The following RASEF variants were observed in gnomAD, a reference collection of about 807,000 sequenced individuals.
RASEF encodes the protein RAS and EF-hand domain containing.
In RASEF, 68 loss-of-function variants were observed where a neutral mutation model predicts 90.1. The observed-to-expected ratio is 0.75, with a 90% CI of 0.62 to 0.92. The LOEUF is 0.92. Ranked by LOEUF, RASEF falls within the 40% of genes least tolerant of loss-of-function variation. The pLI, the probability that RASEF is intolerant of heterozygous loss-of-function variation, is 0.00. For synonymous variants in RASEF, 331 were observed against 345.2 expected (o/e 0.96, Z 0.46); for missense variants, 949 against 937.2 (o/e 1.01, Z -0.16).
intron 3 of RASEF, among the ~76,000 whole-genome samples, chr9:83,016,556 T>A (rs771049397): frequency 1.3e-5 from 2 of 152,148 alleles, no homozygotes; most frequent in Non-Finnish European, 2.9e-5. Context: ...AGTTTTATGT[T>A]GACAGCCAGT....
the RASEF span, among the ~76,000 whole-genome samples, chr9:83,126,868 G>A: frequency 6.6e-6 from 1 of 151,990 alleles, no homozygotes; most frequent in Non-Finnish European, 1.5e-5. Flanking sequence ...TAAGTTACTA[G>A]GGCTATTATG....
At chr9:83,157,697 A>G in the RASEF span, among the ~76,000 whole-genome samples, 1 of 152,218 alleles carries the variant, frequency 6.6e-6, no homozygotes, top group South Asian at 2.1e-4. Flanking sequence ...ATTATTTGAT[A>G]ATATAGTTTT....
chr9:83,002,655 TTATAATA>T lies in RASEF; in HGVS notation c.1203-1532_1203-1526del. Among the ~76,000 whole-genome samples the T allele has an allele frequency of 1.3e-5, 2 of 152,026 alleles. 1 individual carries two copies. Among genetic ancestry groups the T allele is most frequent in the Non-Finnish European group, 2.9e-5 (2 of 67,984 alleles). Reference sequence around the variant, plus strand: ...AAAGCACATAAGAAAACCATTCTAATTATAATATACTACAAACTACTTCAGTTCCATG... The same window carrying T: ...AAAGCACATAAGAAAACCATTCTAATTACTACAAACTACTTCAGTTCCATG... On this transcript the variant is annotated intron_variant, in intron 9 of 16. Coordinates refer to ENST00000376447, the MANE Select transcript of RASEF (RefSeq NM_152573.4).
chr9:83,104,766 A>G, the RASEF span, among the ~76,000 whole-genome samples: 1 of 152,202 alleles, frequency 6.6e-6, no homozygotes, highest in South Asian at 2.1e-4. Flanking sequence ...TGTGTACTTC[A>G]ATATAGCCTA....
At chr9:83,108,271 C>T in the RASEF span, among the ~76,000 whole-genome samples, 13 of 152,216 alleles carry the variant, frequency 8.5e-5, no homozygotes, top group Non-Finnish European at 1.3e-4. Context: ...AATAAATATG[C>T]CTCATGTCAG....
chr9:83,005,938 C>G (rs1272672114), intron 7 of RASEF, among the ~76,000 whole-genome samples: 2 of 152,208 alleles, frequency 1.3e-5, no homozygotes, highest in Non-Finnish European at 2.9e-5. Context: ...TGGCACTGTT[C>G]CACCAGGTAC....
intron 6 of RASEF, among the ~76,000 whole-genome samples, chr9:83,008,849 A>G (rs1465130278): frequency 1.5e-5 from 2 of 130,712 alleles, no homozygotes; most frequent in Non-Finnish European, 1.6e-5. Flanking sequence ...TAAACCCTAT[A>G]ATCTTTTTGC....
At chr9:83,101,410 T>C in the RASEF span, among the ~76,000 whole-genome samples, 1 of 152,188 alleles carries the variant, frequency 6.6e-6, no homozygotes, top group Non-Finnish European at 1.5e-5. Context: ...TACTTCTATT[T>C]TGTGAAGACT....
At chr9:83,077,855 C>T in the RASEF span, among the ~76,000 whole-genome samples, 1 of 152,154 alleles carries the variant, frequency 6.6e-6, no homozygotes, top group African/African-American at 2.4e-5. Flanking sequence ...TAGGAGGGAA[C>T]AGCAGCCCAG....
chr9:83,092,364 G>A, the RASEF span, among the ~76,000 whole-genome samples: 22 of 152,226 alleles, frequency 1.4e-4, no homozygotes, highest in African/African-American at 5.1e-4. Context: ...TTAAGGTGGC[G>A]CATCTGGAGT....
At chr9:83,107,875 AAC>A in the RASEF span, among the ~76,000 whole-genome samples, 1 of 152,204 alleles carries the variant, frequency 6.6e-6, no homozygotes, top group African/African-American at 2.4e-5. Flanking sequence ...CTTTGGAAAC[AAC>A]AATATGAGTG....
At chr9:83,002,700 G>A (rs1184562141) in intron 9 of RASEF, among the ~76,000 whole-genome samples, 1 of 151,788 alleles carries the variant, frequency 6.6e-6, no homozygotes, top group Non-Finnish European at 1.5e-5. Flanking sequence ...TTCATTACTG[G>A]TTATGATTTA....
chr9:83,092,793 G>A, the RASEF span, among the ~76,000 whole-genome samples: 1 of 152,122 alleles, frequency 6.6e-6, no homozygotes, highest in Non-Finnish European at 1.5e-5. Context: ...GCTGATTGGT[G>A]CGTTTACAAT....
At chr9:83,089,907 TAGATA>T in the RASEF span, among the ~76,000 whole-genome samples, 416 of 139,264 alleles carry the variant, frequency 3.0e-3, 1 homozygote, top group East Asian at 8.0e-3. Flanking sequence ...GATAGATAGA[TAGATA>T]GATAGATAGA....
chr9:83,170,324 T>C, the RASEF span, among the ~76,000 whole-genome samples: 1 of 152,096 alleles, frequency 6.6e-6, no homozygotes, highest in Non-Finnish European at 1.5e-5. Context: ...TTTTGGTTAC[T>C]ACAGCTTTGT....
chr9:83,116,126 T>C, the RASEF span, among the ~76,000 whole-genome samples: 3 of 152,196 alleles, frequency 2.0e-5, no homozygotes, highest in Non-Finnish European at 1.5e-5. Context: ...CATTTAATGT[T>C]GACTTATGTC....
In RASEF at chr9:83,055,621, G is replaced by A. The variant is rs1235126380; in HGVS notation, c.431+6816C>T. ...GCCTTCCTTTTTAGCCCATGACAAT[G>A]CACACAGTGTTATGAGATGCCTCAC... is the stretch of plus-strand genomic sequence containing the variant. On this transcript the variant is annotated intron_variant, in intron 1 of 16. Transcript: ENST00000376447. 6 of 717,888 alleles carry A rather than the reference G, an allele frequency of 8.4e-6. No individual in the cohort carries two copies. The East Asian group carries it at 1.6e-4, about 19-fold the overall frequency. The allele number at this position is 717,888 out of a possible 1,614,324, so 44.5% of individuals were successfully genotyped here. A position where few individuals can be genotyped will look rare whatever the true frequency, so the allele number is the denominator to read the frequency against.
chr9:83,215,348 T>C, the RASEF span, among the ~76,000 whole-genome samples: 2 of 152,030 alleles, frequency 1.3e-5, no homozygotes, highest in South Asian at 4.1e-4. Flanking sequence ...AGGCAGAGGG[T>C]CCATTGAGCT....
the RASEF span, among the ~76,000 whole-genome samples, chr9:83,192,253 T>G: frequency 5.9e-5 from 9 of 152,286 alleles, no homozygotes; most frequent in African/African-American, 1.9e-4. Context: ...GACACATGCA[T>G]GTGTATATTC....
Sources: allele counts gnomAD v4.1 joint callset (sites outside exome capture counted in the v4.1 genomes callset), GRCh38; gene constraint gnomAD v4.1.1; transcripts MANE v1.5; gene names NCBI Gene and HGNC (gene_info 2026-07-23, HGNC 2026-07-21).